The following C6orf163 variants were observed in gnomAD, a reference collection of about 807,000 sequenced individuals.
The protein encoded by C6orf163 is chromosome 6 open reading frame 163.
C6orf163 carries 22 observed loss-of-function variants against 28.4 expected under a neutral mutation model. The observed-to-expected ratio is 0.78, with a 90% CI of 0.55 to 1.11. The LOEUF (loss-of-function observed/expected upper bound fraction) is 1.11. Among genes scored for constraint, C6orf163 ranks in the 50% least tolerant of loss-of-function variants. The pLI, the probability that C6orf163 is intolerant of heterozygous loss-of-function variation, is 0.00. For synonymous variants in C6orf163, 110 were observed against 123.6 expected (o/e 0.89, Z 0.73); for missense variants, 342 against 389.1 (o/e 0.88, Z 1.02).
intron 2 of C6orf163, among the ~76,000 whole-genome samples, chr6:87,349,748 C>T (rs781412256): frequency 6.6e-6 from 1 of 152,142 alleles, no homozygotes; most frequent in Non-Finnish European, 1.5e-5. Context: ...TATGAATACT[C>T]CAGTTCTGTA....
At chr6:87,347,540 A>G (rs1777344251) in intron 1 of C6orf163, 4 of 985,446 alleles carry the variant, frequency 4.1e-6, no homozygotes, top group African/African-American at 1.7e-5. Flanking sequence ...GTATGTGTCC[A>G]TCTCCACCGT....
chr6:87,350,303 G>C (rs906245008), intron 2 of C6orf163, 91 bp from the exon 3 acceptor site: 5 of 793,688 alleles, frequency 6.3e-6, no homozygotes, highest in Non-Finnish European at 1.0e-5. Context: ...CAGTAAACTT[G>C]AAAACCTGAT....
intron 4 of C6orf163, among the ~76,000 whole-genome samples, chr6:87,360,009 G>A (rs1777558969): frequency 6.6e-6 from 1 of 152,168 alleles, no homozygotes. Flanking sequence ...CCTCCTTGAT[G>A]TCACTGGTTG....
chr6:87,356,698 T>TAA (rs1243970060), intron 4 of C6orf163, 195 bp downstream of exon 4: 1 of 562,444 alleles, frequency 1.8e-6, no homozygotes, highest in African/African-American at 1.9e-5. Context: ...AATAATAACA[T>TAA]AAATACTCAA....
rs113906669 is a variant in C6orf163, at chr6:87,345,221, G to A, written c.122G>A (p.Arg41His). 1.3e-3 allele frequency: 1,926 copies of A among 1,532,962 alleles called. 3 individuals are homozygous for A. Among genetic ancestry groups the A allele is most frequent in the Non-Finnish European group, 1.2e-3 (1,401 of 1,145,872 alleles). The allele number at this position is 1,532,962 out of a possible 1,614,324, so 95.0% of individuals were successfully genotyped here. ...CATGAATACAAGCCACTTAAGACACGCTTTTACACTCACAAAGACATACTA... is the reference window on the plus strand; with the variant it reads ...CATGAATACAAGCCACTTAAGACACACTTTTACACTCACAAAGACATACTA... ...RIHEYKPLKT[R>H]FYTHKDILDI... Residue 41 changes from arginine to histidine, a missense_variant, in exon 1 of 5, where the codon CGC becomes CAC. Physicochemically the swap from Arg to His is conservative, Grantham distance 29 (BLOSUM62 0). Coordinates refer to ENST00000388923, the MANE Select transcript of C6orf163 (RefSeq NM_001010868.3).
Position 87,345,181 on chromosome 6 carries a change from A to G in C6orf163, c.82A>G (p.Thr28Ala). 3.3e-6 allele frequency: 5 copies of G among 1,536,840 alleles called. No homozygotes were observed. Among genetic ancestry groups the G allele is most frequent in the Non-Finnish European group, 4.4e-6 (5 of 1,146,760 alleles). ...AATTCCACCAGCCCCTTTTGGAAAAACCTTCAAACGGATCCATGAATACAA... is the reference window on the plus strand; with the variant it reads ...AATTCCACCAGCCCCTTTTGGAAAAGCCTTCAAACGGATCCATGAATACAA... ...KIIPPAPFGK[T>A]FKRIHEYKPL... is the part of the protein sequence containing the mutation. Residue 28 changes from threonine to alanine, a missense_variant, in exon 1 of 5, where the codon ACC (threonine) becomes GCC (alanine). Transcript: ENST00000388923.
intron 4 of C6orf163, among the ~76,000 whole-genome samples, chr6:87,363,379 G>T (rs1056550311): frequency 6.6e-6 from 1 of 150,830 alleles, no homozygotes; most frequent in African/African-American, 2.4e-5. Flanking sequence ...AAGTTTTAGG[G>T]TACATGTGCA....
chr6:87,345,916 C>CAAAAAAAAAA (rs3044136), intron 1 of C6orf163, among the ~76,000 whole-genome samples: 3,117 of 44,280 alleles, frequency 0.07, 449 homozygotes, highest in Non-Finnish European at 0.11. Context: ...GACTCTGCCT[C>CAAAAAAAAAA]AAAAAAAAAA....
chr6:87,353,147 G>A (rs545919278), intron 3 of C6orf163, among the ~76,000 whole-genome samples: 2 of 152,216 alleles, frequency 1.3e-5, no homozygotes, highest in East Asian at 3.9e-4. Flanking sequence ...ATAAAAGAGG[G>A]ACTGAGTTCA....
At chr6:87,345,348 T>G in intron 1 of C6orf163, 101 bp downstream of exon 1, 1 of 1,195,400 alleles carries the variant, frequency 8.4e-7, no homozygotes, top group Non-Finnish European at 1.1e-6. Flanking sequence ...TCTTCAGAGT[T>G]GCTTGTCCCT....
chr6:87,351,521 C>T (rs1355003930), intron 3 of C6orf163, among the ~76,000 whole-genome samples: 2 of 152,238 alleles, frequency 1.3e-5, no homozygotes, highest in Non-Finnish European at 2.9e-5. Flanking sequence ...CTGCTTCGCT[C>T]CAGTGGCCTA....
Position 87,365,426 on chromosome 6 carries a change from G to T in C6orf163, c.*30G>T. 1 of 1,329,998 alleles carries T rather than the reference G, an allele frequency of 7.5e-7. No homozygotes were observed. The highest frequency in any genetic ancestry group is 1.5e-5 in the African/African-American group (1 of 67,502). 82.4% of individuals were successfully genotyped at this position (1,329,998 alleles called of 1,614,324 possible). ...CTTCAGTTGAAATTCCACTACAAAA[G>T]ACATCATTCCAGACTAAATAAATTT... On this transcript the variant is annotated 3_prime_UTR_variant, in exon 5 of 5. Coordinates refer to ENST00000388923, the MANE Select transcript of C6orf163 (RefSeq NM_001010868.3).
chr6:87,361,083 G>C (rs1343629036), intron 4 of C6orf163, among the ~76,000 whole-genome samples: 2 of 152,090 alleles, frequency 1.3e-5, no homozygotes, highest in Non-Finnish European at 2.9e-5. Flanking sequence ...AGGATCACTT[G>C]AGTCCAGCCT....
At chr6:87,352,792 C>T (rs962840080) in intron 3 of C6orf163, among the ~76,000 whole-genome samples, 2 of 152,120 alleles carry the variant, frequency 1.3e-5, no homozygotes, top group African/African-American at 4.8e-5. Flanking sequence ...TCACCATGCC[C>T]ATAAGGTACA....
chr6:87,365,396 G>C lies in C6orf163; in HGVS notation c.990G>C (p.Ter330TyrextTer17). Residue 330 changes from the stop codon to tyrosine (Y), a stop_lost, in exon 5 of 5, where the codon TAG (stop) becomes TAC (tyrosine). Coordinates refer to ENST00000388923, the MANE Select transcript of C6orf163 (RefSeq NM_001010868.3). ...AGGAGAACAAAACAACTCTTGATTA[G>C]AAGTCTTCAGTTGAAATTCCACTAC... is the stretch of plus-strand genomic sequence containing the variant. The part of the protein sequence containing the change: ...VIKENKTTLD[*>Y] 6.7e-7 allele frequency: 1 copy of C among 1,499,272 alleles called. No individual in the cohort carries two copies. The highest frequency in any genetic ancestry group is 9.0e-7 in the Non-Finnish European group (1 of 1,115,728). 92.9% of individuals were successfully genotyped at this position (1,499,272 alleles called of 1,614,324 possible).
chr6:87,348,617 C>T (rs1249216685), intron 1 of C6orf163, 195 bp from the exon 2 acceptor site: 1 of 1,359,844 alleles, frequency 7.4e-7, no homozygotes, highest in Non-Finnish European at 9.5e-7. Flanking sequence ...CTATCCAGGC[C>T]TGACAGTGCT....
At chr6:87,356,595 T>C in intron 4 of C6orf163, 92 bp downstream of exon 4, 2 of 1,160,714 alleles carry the variant, frequency 1.7e-6, no homozygotes, top group East Asian at 5.2e-5. Flanking sequence ...AGGTAGATAT[T>C]GCCCAGTTTT....
chr6:87,362,167 G>T (rs1001254433), intron 4 of C6orf163, among the ~76,000 whole-genome samples: 1 of 152,128 alleles, frequency 6.6e-6, no homozygotes, highest in East Asian at 1.9e-4. Flanking sequence ...TGTTACAAGG[G>T]AATAGTCACA....
intron 2 of C6orf163, among the ~76,000 whole-genome samples, chr6:87,349,726 G>C (rs1179628677): frequency 6.6e-6 from 1 of 152,172 alleles, no homozygotes; most frequent in Admixed American, 6.5e-5. Flanking sequence ...CATACATAAT[G>C]CTCCAGTTCT....
Sources: gnomAD v4.1 joint callset for allele counts (sites outside exome capture counted in the v4.1 genomes callset) on GRCh38, gnomAD v4.1.1 for gene constraint, MANE v1.5 for transcripts, NCBI Gene and HGNC (gene_info 2026-07-23, HGNC 2026-07-21) for gene names.